CCDC33: variants seen among roughly 807,000 people sequenced by gnomAD.
The protein encoded by CCDC33 is coiled-coil domain containing 33.
A neutral mutation model predicts 91.9 loss-of-function variants in CCDC33; 94 were observed. That is an observed-to-expected ratio of 1.02 (90% confidence interval 0.87 to 1.21). CCDC33 has a LOEUF of 1.21. Ranked by LOEUF, CCDC33 falls within the 50% of genes most tolerant of loss-of-function variation. The pLI, the probability that CCDC33 is intolerant of heterozygous loss-of-function variation, is 0.00. For missense variants in CCDC33, 940 were observed against 935.5 expected (o/e 1.00, Z -0.06); for synonymous variants, 396 against 374.5 (o/e 1.06, Z -0.66).
At chr15:74,204,032 G>A (rs1003338659) in intron 1 of CCDC33, among the ~76,000 whole-genome samples, 10 of 152,180 alleles carry the variant, frequency 6.6e-5, no homozygotes, top group Admixed American at 1.3e-4. Context: ...CAGGATTAGG[G>A]GCTGAGCACC....
upstream of CCDC33, among the ~76,000 whole-genome samples, chr15:74,214,260 A>G (rs887895612): frequency 1.3e-5 from 2 of 152,106 alleles, no homozygotes; most frequent in Non-Finnish European, 2.9e-5. Flanking sequence ...CTTTGGGGGA[A>G]GAAAGAAGAC....
chr15:74,326,002 C>A (rs2930303), intron 11 of CCDC33, among the ~76,000 whole-genome samples: 3,746 of 152,238 alleles, frequency 0.025, 146 homozygotes, highest in African/African-American at 0.085. Context: ...ATCTTCTGTG[C>A]CCACTGCCCA....
chr15:74,336,101 G>T lies in CCDC33; in HGVS notation c.*48G>T. On this transcript the variant is annotated 3_prime_UTR_variant, in exon 19 of 19. Coordinates refer to ENST00000398814, the MANE Select transcript of CCDC33 (RefSeq NM_025055.5). ...CTGTGTGCTGGGGAGTCTCATCACC[G>T]CCCCCTAAAAATGACGTTATTAAAT... The T allele has an allele frequency of 6.3e-7, 1 of 1,596,148 alleles. No individual in the cohort carries two copies.
intron 1 of CCDC33, among the ~76,000 whole-genome samples, chr15:74,206,682 C>T (rs1294877377): frequency 6.6e-6 from 1 of 152,124 alleles, no homozygotes; most frequent in African/African-American, 2.4e-5. Context: ...CTTGCAGGCT[C>T]CCTGGAGGAG....
At chr15:74,250,753 T>C (rs1401066695) in intron 2 of CCDC33, among the ~76,000 whole-genome samples, 3 of 152,262 alleles carry the variant, frequency 2.0e-5, no homozygotes, top group South Asian at 2.1e-4. Flanking sequence ...AAGCTGTCAC[T>C]AAATAATCGT....
chr15:74,232,756 T>C (rs184828469), upstream of CCDC33, among the ~76,000 whole-genome samples: 2 of 152,208 alleles, frequency 1.3e-5, no homozygotes, highest in Non-Finnish European at 2.9e-5. Context: ...AATGAGACCA[T>C]GAAGGTAAAG....
intron 5 of CCDC33, among the ~76,000 whole-genome samples, chr15:74,270,669 T>C (rs1383772662): frequency 6.6e-6 from 1 of 151,904 alleles, no homozygotes; most frequent in East Asian, 1.9e-4. Context: ...CATTGGTGGA[T>C]ACAGGGTGAG....
At chr15:74,332,953 G>T in intron 16 of CCDC33, 108 bp downstream of exon 16, 1 of 1,362,686 alleles carries the variant, frequency 7.3e-7, no homozygotes, top group Non-Finnish European at 9.9e-7. Context: ...AGCTTCCCAG[G>T]GTCTCCAGTC....
chr15:74,243,396 G>T (rs1184484396), intron 1 of CCDC33, among the ~76,000 whole-genome samples: 1 of 152,228 alleles, frequency 6.6e-6, no homozygotes, highest in African/African-American at 2.4e-5. Context: ...TTACAGACGA[G>T]GACACCTGCG....
At position 74,218,825 on chromosome 15, in the gene CCDC33, G is replaced by C. The variant is rs1024940050; in HGVS notation, c.639G>C (p.Met213Ile). ...CCAGGGCTGGCCAGCCAGAACTGAT[G>C]TCACCATGCCCAGAGCCCCAGCTCC... Residue 213 changes from methionine (M) to isoleucine (I), a missense_variant, in exon 2 of 3, where the codon ATG becomes ATC. Coordinates refer to the CCDC33 transcript ENST00000635913. The surrounding 1 kb of genome is among the most constrained non-coding windows in gnomAD (Gnocchi z 4.8). 3 of 1,271,224 alleles carry C rather than the reference G, an allele frequency of 2.4e-6. No homozygotes were observed. The highest frequency in any genetic ancestry group is 4.8e-5 in the Admixed American group (2 of 41,694). 78.7% of individuals were successfully genotyped at this position (1,271,224 alleles called of 1,614,324 possible). A position where few individuals can be genotyped will look rare whatever the true frequency, so the allele number is the denominator to read the frequency against.
intron 2 of CCDC33, chr15:74,221,205 G>A (rs1287601939): frequency 1.0e-6 from 1 of 966,874 alleles, no homozygotes; most frequent in Non-Finnish European, 1.2e-6. Context: ...TTTGTGTAGT[G>A]TGTGGCACTG....
At chr15:74,264,707 A>G (rs1357333799) in intron 3 of CCDC33, among the ~76,000 whole-genome samples, 1 of 152,180 alleles carries the variant, frequency 6.6e-6, no homozygotes, top group African/African-American at 2.4e-5. Context: ...AGAGCTGCAG[A>G]TGCTTAAAGA....
At chr15:74,295,299 T>G (rs2059663588) in intron 10 of CCDC33, among the ~76,000 whole-genome samples, 1 of 152,216 alleles carries the variant, frequency 6.6e-6, no homozygotes, top group African/African-American at 2.4e-5. Context: ...AGTTAAGAAG[T>G]AAATGCATTT....
At chr15:74,332,888 G>C in intron 16 of CCDC33, 43 bp downstream of exon 16, 1 of 1,596,626 alleles carries the variant, frequency 6.3e-7, no homozygotes. Flanking sequence ...CGGTCACTGG[G>C]TGCCCAGAAA....
At chr15:74,207,783 T>C (rs1049436098) in intron 1 of CCDC33, 29 of 1,535,658 alleles carry the variant, frequency 1.9e-5, no homozygotes, top group Non-Finnish European at 2.5e-5. Flanking sequence ...GGGTGTGCCC[T>C]CAGTGGCACA....
In CCDC33 at chr15:74,268,343, C is replaced by T. The variant is rs1057045221; in HGVS notation, c.431C>T (p.Pro144Leu). The T allele has an allele frequency of 1.2e-6, 2 of 1,611,662 alleles. No individual in the cohort carries two copies. Among genetic ancestry groups the T allele is most frequent in the Non-Finnish European group, 1.7e-6 (2 of 1,177,932 alleles). The stretch of plus-strand genomic sequence containing the variant: ...CTTCTGCCCCAACCCTGTCTCCAGC[C>T]CACTGAGTCTGGGAAAGCCGATGAA... ...FHPYHFELVKPTESGKADEAT... is the reference protein window; with the variant it reads ...FHPYHFELVKLTESGKADEAT... The change falls in exon 5 of 19, where the codon CCC becomes CTC. Residue 144 changes from proline to leucine, a missense_variant and splice_region_variant. Physicochemically the swap from Pro to Leu is moderately conservative, Grantham distance 98. Coordinates refer to ENST00000398814, the MANE Select transcript of CCDC33 (RefSeq NM_025055.5).
chr15:74,315,491 C>T (rs1040424024), intron 11 of CCDC33, among the ~76,000 whole-genome samples: 4 of 152,214 alleles, frequency 2.6e-5, no homozygotes, highest in South Asian at 2.1e-4. Flanking sequence ...GTGGAATGGA[C>T]ATGGAGAAGG....
In CCDC33 at chr15:74,222,984, A is replaced by G. The variant is rs184427637; in HGVS notation, c.675+4123A>G. Among the ~76,000 whole-genome samples, 11 of 151,722 alleles carry G rather than the reference A, an allele frequency of 7.3e-5. No individual in the cohort carries two copies. In the East Asian group the frequency reaches 1.2e-3, roughly 16 times the overall value. Reference sequence around the variant, plus strand: ...GCTCGCGATTGCATACACTATTTCTATTGCCCTGGAGACTGGAATGGTTCA... The same window carrying G: ...GCTCGCGATTGCATACACTATTTCTGTTGCCCTGGAGACTGGAATGGTTCA... On this transcript the variant is annotated intron_variant, in intron 2 of 2. Transcript: ENST00000635913.
rs144582524 is a variant in CCDC33, at chr15:74,266,480, C to T, written c.320-198C>T. On this transcript the variant is annotated intron_variant, in intron 3 of 18. Coordinates refer to ENST00000398814, the MANE Select transcript of CCDC33 (RefSeq NM_025055.5). ...TAACAGCTGCCGGCATGGAGCTTTG[C>T]CCTGTGCAGGGGCTCAGACTGTGCT... is the stretch of plus-strand genomic sequence containing the variant. 5.1e-3 allele frequency among the ~76,000 whole-genome samples: 783 copies of T among 152,310 alleles called. 9 individuals are homozygous for T. In the Middle Eastern group the frequency reaches 0.058, roughly 11 times the overall value.
Sources: allele counts gnomAD v4.1 joint callset (sites outside exome capture counted in the v4.1 genomes callset), GRCh38; gene constraint gnomAD v4.1.1; non-coding constraint Gnocchi (gnomAD v3.1); transcripts MANE v1.5; gene names NCBI Gene and HGNC (gene_info 2026-07-23, HGNC 2026-07-21).